The following TESK2 variants were observed in gnomAD, a reference collection of about 807,000 sequenced individuals.
TESK2 encodes testis associated actin remodelling kinase 2, also known as dual specificity testis-specific protein kinase 2.
A neutral mutation model predicts 57.1 loss-of-function variants in TESK2; 39 were observed. That is an observed-to-expected ratio of 0.68 (90% confidence interval 0.53 to 0.89). TESK2 has a LOEUF of 0.89. TESK2 is among the 40% of genes least tolerant of loss of function. TESK2 has a pLI of 0.00. For missense variants in TESK2, 646 were observed against 732.1 expected (o/e 0.88, Z 1.36); for synonymous variants, 249 against 267.9 (o/e 0.93, Z 0.69).
chr1:45,440,098 T>C (rs1341762974), intron 2 of TESK2, among the ~76,000 whole-genome samples: 1 of 151,898 alleles, frequency 6.6e-6, no homozygotes, highest in Non-Finnish European at 1.5e-5. Context: ...ATTACAGACA[T>C]GCACCAGTAC....
chr1:45,426,970 C>A (rs879910477), intron 2 of TESK2, among the ~76,000 whole-genome samples: 2 of 152,036 alleles, frequency 1.3e-5, no homozygotes, highest in East Asian at 3.9e-4. Context: ...AGGCTGGGCA[C>A]GGTGGCTCAC....
rs754585734 is a variant in TESK2, at chr1:45,385,710, G to GTATATATATATATATATATATATATATA, written c.393+201_393+202insTATATATATATATATATATATATATATA. Among the ~76,000 whole-genome samples the GTATATATATATATATATATATATATATA allele has an allele frequency of 6.2e-4, 84 of 135,264 alleles. 1 individual carries two copies. The highest frequency in any genetic ancestry group is 2.5e-3 in the African/African-American group (83 of 33,814). 88.7% of individuals were successfully genotyped at this position (135,264 alleles called of 152,430 possible). On this transcript the variant is annotated intron_variant, in intron 4 of 10. Transcript: ENST00000372086. Reference sequence around the variant, plus strand: ...ACTTAAAGTGTATGTGTGTGTGTGTGTATATATATATATATATATATATAT... The same window carrying GTATATATATATATATATATATATATATA: ...ACTTAAAGTGTATGTGTGTGTGTGTGTATATATATATATATATATATATATATATATATATATATATATATATATATAT...
chr1:45,345,800 A>G, intron 10 of TESK2, 77 bp downstream of exon 10: 1 of 1,231,150 alleles, frequency 8.1e-7, no homozygotes, highest in East Asian at 2.3e-5. Flanking sequence ...TGGCAATCAC[A>G]ACCCTAAGAG....
At chr1:45,463,306 C>T (rs191485736) in intron 1 of TESK2, among the ~76,000 whole-genome samples, 1 of 152,274 alleles carries the variant, frequency 6.6e-6, no homozygotes, top group East Asian at 1.9e-4. Context: ...GAAATCTTTG[C>T]CCAAACCAAT....
intron 5 of TESK2, among the ~76,000 whole-genome samples, chr1:45,352,869 T>C (rs926482217): frequency 9.8e-5 from 15 of 152,288 alleles, no homozygotes; most frequent in African/African-American, 3.6e-4. Flanking sequence ...GTCCCATCCA[T>C]TTGCCTGGAA....
chr1:45,350,805 T>C (rs1175749948), intron 5 of TESK2, among the ~76,000 whole-genome samples: 1 of 152,244 alleles, frequency 6.6e-6, no homozygotes, highest in Non-Finnish European at 1.5e-5. Flanking sequence ...TATTGTGCCC[T>C]CTAATAGCAC....
chr1:45,471,957 A>T (rs1027122364), intron 1 of TESK2, among the ~76,000 whole-genome samples: 51 of 152,212 alleles, frequency 3.4e-4, no homozygotes, highest in African/African-American at 1.0e-3. Context: ...TGACATTTTT[A>T]AAAAGGTGTT....
At chr1:45,403,540 G>A (rs1237061343) in intron 3 of TESK2, among the ~76,000 whole-genome samples, 1 of 152,074 alleles carries the variant, frequency 6.6e-6, no homozygotes. Flanking sequence ...TTTGTCTTTG[G>A]TTTTTAACAG....
At chr1:45,417,009 A>G (rs2149285378) in intron 3 of TESK2, among the ~76,000 whole-genome samples, 1 of 151,442 alleles carries the variant, frequency 6.6e-6, no homozygotes, top group East Asian at 2.0e-4. Flanking sequence ...GATGGTCTCG[A>G]TCTCTTGACC....
intron 1 of TESK2, among the ~76,000 whole-genome samples, chr1:45,487,268 G>A (rs1259286416): frequency 6.6e-6 from 1 of 152,148 alleles, no homozygotes; most frequent in Non-Finnish European, 1.5e-5. Flanking sequence ...AGTATCTGAG[G>A]ATATCACCAT....
intron 4 of TESK2, among the ~76,000 whole-genome samples, chr1:45,356,976 C>G (rs111275151): frequency 2.0e-5 from 3 of 152,026 alleles, no homozygotes; most frequent in African/African-American, 7.2e-5. Flanking sequence ...GGTGGATCAC[C>G]TGACATCAGG....
intron 3 of TESK2, among the ~76,000 whole-genome samples, chr1:45,416,055 C>T (rs1650224897): frequency 7.0e-6 from 1 of 142,416 alleles, no homozygotes; most frequent in Non-Finnish European, 1.5e-5. Flanking sequence ...AAAGATTGGA[C>T]ACCTCTAATC....
At chr1:45,384,592 A>ATTTT (rs1450118997) in intron 4 of TESK2, among the ~76,000 whole-genome samples, 1 of 70,580 alleles carries the variant, frequency 1.4e-5, no homozygotes, top group African/African-American at 6.2e-5. Flanking sequence ...GCTAATTATT[A>ATTTT]ATTTTTTTTT....
intron 3 of TESK2, among the ~76,000 whole-genome samples, chr1:45,409,305 G>A (rs1649955147): frequency 6.6e-6 from 1 of 152,176 alleles, no homozygotes; most frequent in South Asian, 2.1e-4. Flanking sequence ...GGCTATCTCA[G>A]CAGAAATATA....
chr1:45,444,203 G>A (rs1459730601), intron 2 of TESK2, among the ~76,000 whole-genome samples: 1 of 151,190 alleles, frequency 6.6e-6, no homozygotes, highest in African/African-American at 2.4e-5. Flanking sequence ...GGCTTTGAGG[G>A]CCATATGGTC....
At position 45,345,989 on chromosome 1, in the gene TESK2, AT is replaced by A; in HGVS notation, c.884del (p.Asp295ValfsTer19). 3 of 1,613,344 alleles carry A rather than the reference AT, an allele frequency of 1.9e-6. No individual in the cohort carries two copies. The highest frequency in any genetic ancestry group is 2.5e-6 in the Non-Finnish European group (3 of 1,179,348). On this transcript the variant is annotated frameshift_variant, in exon 10 of 11. Transcript: ENST00000372086. LOFTEE classifies it high-confidence loss of function. ...CCACAAAAGATGGGCGCAGTTTGGG[AT>A]CCATCTGTAGGTATCCACAACAGCC... The part of the protein sequence containing the change: ...LQLTFNCCNM[D>X]PKLRPSFVEI...
At chr1:45,436,479 T>C (rs1349042398) in intron 2 of TESK2, among the ~76,000 whole-genome samples, 1 of 1,554 alleles carries the variant, frequency 6.4e-4, no homozygotes, top group African/African-American at 1.9e-3. Flanking sequence ...GTGCCTGGCC[T>C]TTTTTTTTTT....
At chr1:45,447,163 G>A (rs1651678294) in intron 2 of TESK2, among the ~76,000 whole-genome samples, 1 of 152,204 alleles carries the variant, frequency 6.6e-6, no homozygotes, top group Middle Eastern at 3.2e-3. Context: ...GCTGCAGTGA[G>A]CCAAGATAGT....
chr1:45,402,703 A>G (rs1649677909), intron 3 of TESK2, among the ~76,000 whole-genome samples: 1 of 151,958 alleles, frequency 6.6e-6, no homozygotes, highest in African/African-American at 2.4e-5. Flanking sequence ...GCTAGTCTCA[A>G]ACTCCCGACT....
Sources: gnomAD v4.1 joint callset for allele counts (sites outside exome capture counted in the v4.1 genomes callset) on GRCh38, gnomAD v4.1.1 for gene constraint, MANE v1.5 for transcripts, NCBI Gene and HGNC (gene_info 2026-07-23, HGNC 2026-07-21) for gene names.